The following TDRD5 variants were observed in gnomAD, a reference collection of about 807,000 sequenced individuals.
The protein encoded by TDRD5 is tudor domain-containing protein 5.
Under a neutral mutation model 120.6 loss-of-function variants are expected in TDRD5, and 41 were observed. The ratio of observed to expected loss-of-function variants is 0.34; its 90% CI spans 0.26 to 0.44. The LOEUF (loss-of-function observed/expected upper bound fraction) is 0.44. Among genes scored for constraint, TDRD5 ranks in the 20% least tolerant of loss-of-function variants. The pLI is 1.00. For synonymous variants in TDRD5, 430 were observed against 433.7 expected (o/e 0.99, Z 0.11); for missense variants, 1,006 against 1,221.2 (o/e 0.82, Z 2.63).
At chr1:179,633,413 G>A (rs1303349139) in intron 7 of TDRD5, among the ~76,000 whole-genome samples, 1 of 151,624 alleles carries the variant, frequency 6.6e-6, no homozygotes, top group Non-Finnish European at 1.5e-5. Context: ...GTGCAATGGT[G>A]TGATCTTGGC....
upstream of TDRD5, chr1:179,591,794 C>T: frequency 6.6e-6 from 1 of 152,476 alleles, no homozygotes. Flanking sequence ...AACGCGGCGC[C>T]CCGGGAGAGG....
At chr1:179,648,503 G>A (rs1678528242) in intron 11 of TDRD5, among the ~76,000 whole-genome samples, 2 of 140,570 alleles carry the variant, frequency 1.4e-5, no homozygotes, top group Non-Finnish European at 3.1e-5. Flanking sequence ...TAGATGACGA[G>A]TTAGTGGATG....
chr1:179,682,773 T>C (rs1680495754), intron 17 of TDRD5, among the ~76,000 whole-genome samples: 2 of 152,146 alleles, frequency 1.3e-5, no homozygotes, highest in South Asian at 4.2e-4. Context: ...GGCTCTGCTA[T>C]TTAGGCAATA....
chr1:179,611,635 C>G (rs1239929169), intron 4 of TDRD5, among the ~76,000 whole-genome samples: 2 of 152,072 alleles, frequency 1.3e-5, no homozygotes, highest in East Asian at 1.9e-4. Context: ...TCAGAAACTT[C>G]CCACTCTATA....
intron 14 of TDRD5, among the ~76,000 whole-genome samples, chr1:179,661,401 C>T (rs12045588): frequency 0.34 from 50,649 of 151,034 alleles, 8,674 homozygotes; most frequent in Admixed American, 0.42. Flanking sequence ...TTTTTCCCCC[C>T]AATCTTTTTT....
intron 17 of TDRD5, among the ~76,000 whole-genome samples, chr1:179,673,741 G>T (rs1330144468): frequency 6.8e-6 from 1 of 146,042 alleles, no homozygotes; most frequent in Non-Finnish European, 1.5e-5. Context: ...GTGACTTTGA[G>T]TAGAATGGGA....
chr1:179,676,008 A>G (rs1173276499), intron 17 of TDRD5, among the ~76,000 whole-genome samples: 4 of 152,078 alleles, frequency 2.6e-5, no homozygotes, highest in Non-Finnish European at 4.4e-5. Context: ...TCTAGTAGTA[A>G]TTGTTTTATA....
In TDRD5 at chr1:179,662,006, T is replaced by C. The variant is rs1013626889; in HGVS notation, c.2323-98T>C. 3.5e-6 allele frequency: 4 copies of C among 1,156,014 alleles called. No individual in the cohort carries two copies. The African/African-American group carries it at 6.4e-5, about 18-fold the overall frequency. The allele number at this position is 1,156,014 out of a possible 1,614,324, so 71.6% of individuals were successfully genotyped here. ...TAAATTGTGAATTCAAACTGTCATC[T>C]TTACCTGGAGTCAGGAAAAAACTAT... On this transcript the variant is annotated intron_variant, in intron 14 of 17. Coordinates refer to ENST00000444136, the MANE Select transcript of TDRD5 (RefSeq NM_001199085.3).
chr1:179,646,650 G>A (rs2102046329), intron 11 of TDRD5, among the ~76,000 whole-genome samples: 1 of 152,118 alleles, frequency 6.6e-6, no homozygotes, highest in African/African-American at 2.4e-5. Flanking sequence ...ATTAGGAAAA[G>A]AGGAAGTCAA....
At chr1:179,592,977 C>A in intron 2 of TDRD5, 130 bp downstream of exon 2, 1 of 960,582 alleles carries the variant, frequency 1.0e-6, no homozygotes, top group Non-Finnish European at 1.5e-6. Flanking sequence ...GAGGGAGACT[C>A]ATAGGTGCTT....
intron 17 of TDRD5, among the ~76,000 whole-genome samples, chr1:179,683,831 T>C (rs989369474): frequency 6.6e-6 from 1 of 152,068 alleles, no homozygotes; most frequent in African/African-American, 2.4e-5. Flanking sequence ...AGCAGGACTT[T>C]CTTGAAGGAA....
At chr1:179,684,221 C>T (rs1004026721) in intron 17 of TDRD5, among the ~76,000 whole-genome samples, 7 of 152,064 alleles carry the variant, frequency 4.6e-5, no homozygotes, top group African/African-American at 9.7e-5. Context: ...CAACAGGCCC[C>T]GGTGTGTGAT....
chr1:179,593,742 TTCTC>T lies in TDRD5; in HGVS notation c.519_522del (p.Ser174CysfsTer14). On this transcript the variant is annotated frameshift_variant, in exon 3 of 18. Coordinates refer to ENST00000444136, the MANE Select transcript of TDRD5 (RefSeq NM_001199085.3). LOFTEE classifies it high-confidence loss of function. ...TCATTCCAATACATGCAATATGGAT[TTCTC>T]TCTATGTTTGAAGTGCTTAATGCGG... 1 of 1,614,230 alleles carries T rather than the reference TTCTC, an allele frequency of 6.2e-7. No homozygotes were observed. Among genetic ancestry groups the T allele is most frequent in the Non-Finnish European group, 8.5e-7 (1 of 1,180,036 alleles).
In TDRD5 at chr1:179,690,989, T is replaced by C. The variant is rs751552692; in HGVS notation, c.*46T>C. On this transcript the variant is annotated 3_prime_UTR_variant, in exon 18 of 18. Transcript: ENST00000444136. Reference sequence around the variant, plus strand: ...AAAAACAGAATCCAGCCGCTTAGGCTTTGATGAACTCCCAGGCCAAAATGA... The same window carrying C: ...AAAAACAGAATCCAGCCGCTTAGGCCTTGATGAACTCCCAGGCCAAAATGA... The C allele has an allele frequency of 3.8e-6, 6 of 1,568,334 alleles. No individual in the cohort carries two copies. The East Asian group carries it at 1.4e-4, about 35-fold the overall frequency.
intron 11 of TDRD5, among the ~76,000 whole-genome samples, chr1:179,645,950 C>G (rs530237852): frequency 2.6e-5 from 4 of 152,218 alleles, no homozygotes; most frequent in Admixed American, 2.6e-4. Context: ...GAACCCTTCT[C>G]TATCTTTATA....
chr1:179,649,282 A>G (rs983663662), intron 11 of TDRD5, among the ~76,000 whole-genome samples: 6 of 151,844 alleles, frequency 4.0e-5, no homozygotes, highest in African/African-American at 1.5e-4. Flanking sequence ...CCCAACCATT[A>G]TCTCTTCAAT....
chr1:179,636,735 T>C (rs12021675), intron 9 of TDRD5, among the ~76,000 whole-genome samples: 53,314 of 152,104 alleles, frequency 0.35, 9,475 homozygotes, highest in Admixed American at 0.42. Flanking sequence ...GTATTTAGTA[T>C]TGGGAAGCTG....
intron 11 of TDRD5, among the ~76,000 whole-genome samples, chr1:179,645,324 A>G (rs1288446978): frequency 6.6e-6 from 1 of 151,722 alleles, no homozygotes; most frequent in African/African-American, 2.4e-5. Flanking sequence ...TGACCTCGTG[A>G]TCCGCCCGCC....
chr1:179,619,114 G>A (rs768856137), intron 5 of TDRD5, among the ~76,000 whole-genome samples: 2 of 152,082 alleles, frequency 1.3e-5, no homozygotes, highest in Non-Finnish European at 2.9e-5. Context: ...TCCAGTTAAT[G>A]TCCATGGACA....
Sources: allele counts gnomAD v4.1 joint callset (sites outside exome capture counted in the v4.1 genomes callset), GRCh38; gene constraint gnomAD v4.1.1; transcripts MANE v1.5; gene names NCBI Gene and HGNC (gene_info 2026-07-23, HGNC 2026-07-21).